NIM1K: variants seen among roughly 807,000 people sequenced by gnomAD.
NIM1K encodes the protein NIM1 serine/threonine protein kinase.
NIM1K carries 35 observed loss-of-function variants against 37.1 expected under a neutral mutation model. That is an observed-to-expected ratio of 0.94 (90% confidence interval 0.72 to 1.25). The LOEUF (loss-of-function observed/expected upper bound fraction) is 1.25, where lower values mean the gene tolerates loss of function less well. Among genes scored for constraint, NIM1K ranks in the 50% most tolerant of loss-of-function variants. The pLI is 0.00. For synonymous variants in NIM1K, 234 were observed against 206.6 expected, an observed-to-expected ratio of 1.13 and a Z score of -1.14; for missense variants, 564 against 548.0, an observed-to-expected ratio of 1.03 and a Z score of -0.29.
intron 2 of NIM1K, among the ~76,000 whole-genome samples, chr5:43,262,871 G>A (rs1250323562): frequency 6.6e-6 from 1 of 152,054 alleles, no homozygotes; most frequent in Non-Finnish European, 1.5e-5. Flanking sequence ...ATAATCATGT[G>A]GTTTTTGTCT....
chr5:43,257,227 T>C (rs1752959953), intron 2 of NIM1K, among the ~76,000 whole-genome samples: 1 of 152,030 alleles, frequency 6.6e-6, no homozygotes. Context: ...AGAGGAAGAT[T>C]GAAGCCTGAG....
chr5:43,226,516 T>A (rs1486305907), intron 1 of NIM1K, among the ~76,000 whole-genome samples: 1 of 152,210 alleles, frequency 6.6e-6, no homozygotes, highest in African/African-American at 2.4e-5. Context: ...TTTACCAATA[T>A]GGGGAAAACC....
chr5:43,209,781 A>G (rs1045128988), intron 1 of NIM1K, among the ~76,000 whole-genome samples: 1 of 151,822 alleles, frequency 6.6e-6, no homozygotes, highest in Non-Finnish European at 1.5e-5. Context: ...CGCCCAGCTA[A>G]TTTTTGTATT....
At chr5:43,197,621 C>A (rs1751938047) in intron 1 of NIM1K, among the ~76,000 whole-genome samples, 1 of 152,182 alleles carries the variant, frequency 6.6e-6, no homozygotes, top group Non-Finnish European at 1.5e-5. Flanking sequence ...GATTTTTCCA[C>A]CCTTTATACT....
intron 1 of NIM1K, among the ~76,000 whole-genome samples, chr5:43,229,281 A>G (rs1752503338): frequency 6.8e-6 from 1 of 146,764 alleles, no homozygotes; most frequent in Admixed American, 7.0e-5. Flanking sequence ...GGTACGCAGG[A>G]GGCTGAGGCA....
intron 3 of NIM1K, 122 bp downstream of exon 3, chr5:43,277,447 C>G: frequency 9.7e-7 from 1 of 1,032,452 alleles, no homozygotes; most frequent in African/African-American, 1.6e-5. Context: ...AGACAGTAGT[C>G]CCTTCTGAGA....
At chr5:43,267,271 T>A (rs755460804) in intron 2 of NIM1K, among the ~76,000 whole-genome samples, 2 of 152,238 alleles carry the variant, frequency 1.3e-5, no homozygotes, top group African/African-American at 2.4e-5. Context: ...TAATCTCAAC[T>A]GATCTTTTGT....
rs1752581476 is a variant in NIM1K at position 43,234,063 on chromosome 5, G to GT, written c.-694-11016dup. Among the ~76,000 whole-genome samples the GT allele has an allele frequency of 2.6e-5, 4 of 152,156 alleles. No homozygotes were observed. The South Asian group carries it at 8.3e-4, about 32-fold the overall frequency. On this transcript the variant is annotated intron_variant, in intron 1 of 3. Transcript: ENST00000326035. ...CTACCTCAGATCTTTGAAATTCATG[G>GT]TTTCACATGTTGTAATGTTTACTTA...
At chr5:43,207,672 A>C in intron 1 of NIM1K, 1 of 560,514 alleles carries the variant, frequency 1.8e-6, no homozygotes, top group Middle Eastern at 5.9e-4. Context: ...TTGCTCTATG[A>C]AGAACAGCTG....
intron 2 of NIM1K, among the ~76,000 whole-genome samples, chr5:43,268,155 G>T (rs1319903714): frequency 6.6e-6 from 1 of 152,034 alleles, no homozygotes; most frequent in Non-Finnish European, 1.5e-5. Context: ...ATATATTTTG[G>T]ATTATAATAT....
chr5:43,233,678 A>G (rs1382852603), intron 1 of NIM1K, among the ~76,000 whole-genome samples: 1 of 152,228 alleles, frequency 6.6e-6, no homozygotes, highest in East Asian at 1.9e-4. Context: ...AGCACGCTAC[A>G]TTAGAGCTGG....
In NIM1K at chr5:43,198,205, TTCTCTTTCTTTCTTTCTTTC is replaced by T. The variant is rs201087583; in HGVS notation, c.-695+5796_-695+5815del. 4.4e-4 allele frequency among the ~76,000 whole-genome samples: 18 copies of T among 40,916 alleles called. No homozygotes were observed. The South Asian group carries it at 0.016, about 37-fold the overall frequency. 26.8% of individuals were successfully genotyped at this position (40,916 alleles called of 152,430 possible). A position where few individuals can be genotyped will look rare whatever the true frequency, so the allele number is the denominator to read the frequency against. On this transcript the variant is annotated intron_variant, in intron 1 of 3. Transcript: ENST00000326035. ...TTTCTTTCTTTCTTTCTTTCTTTCT[TTCTCTTTCTTTCTTTCTTTC>T]TTTCTTTCTTTCTTTCTTTCTTTTC...
intron 1 of NIM1K, among the ~76,000 whole-genome samples, chr5:43,238,366 A>G (rs1384225509): frequency 6.6e-6 from 1 of 151,450 alleles, no homozygotes; most frequent in Non-Finnish European, 1.5e-5. Flanking sequence ...AATTTCCAAG[A>G]CAGCTCTTTC....
intron 3 of NIM1K, among the ~76,000 whole-genome samples, chr5:43,277,770 C>T (rs1219887408): frequency 1.3e-5 from 2 of 149,650 alleles, no homozygotes; most frequent in South Asian, 4.3e-4. Context: ...CTCCCCCACC[C>T]CCCCTCTCCG....
At chr5:43,277,464 AGTCTGGCT>A in intron 3 of NIM1K, 139 bp downstream of exon 3, 1 of 900,230 alleles carries the variant, frequency 1.1e-6, no homozygotes, top group Non-Finnish European at 1.7e-6. Context: ...GAGAGTCAGA[AGTCTGGCT>A]GGGATCATGC....
intron 1 of NIM1K, among the ~76,000 whole-genome samples, chr5:43,199,204 A>AAAAAAAAAAAAATAT (rs1200134957): frequency 6.4e-5 from 6 of 94,068 alleles, no homozygotes; most frequent in Non-Finnish European, 8.2e-5. Context: ...AAAAAAAAAA[A>AAAAAAAAAAAAATAT]ATATATATAT....
At position 43,245,983 on chromosome 5, in the gene NIM1K, C is replaced by A. The variant is rs777253367; in HGVS notation, c.208C>A (p.Arg70=). 3 of 1,613,950 alleles carry A rather than the reference C, an allele frequency of 1.9e-6. No individual in the cohort carries two copies. The highest frequency in any genetic ancestry group is 1.7e-6 in the Non-Finnish European group (2 of 1,179,978). ...KVVREITLGK[R]IGFYRIRGEI... is the part of the protein sequence containing the mutation. ...GGTGAGGGAGATCACGCTGGGGAAA[C>A]GGATAGGCTTCTACCGAATTCGAGG... The change falls in exon 2 of 4, where the codon CGG becomes AGG. Residue 70 remains arginine (R), a synonymous_variant. Coordinates refer to ENST00000326035, the MANE Select transcript of NIM1K (RefSeq NM_153361.4).
chr5:43,275,966 T>C (rs1753333563), intron 2 of NIM1K, among the ~76,000 whole-genome samples: 1 of 150,684 alleles, frequency 6.6e-6, no homozygotes, highest in South Asian at 2.1e-4. Context: ...AGTGGTGCGA[T>C]CTCGGCTCAC....
At chr5:43,220,997 G>A (rs535922903) in intron 1 of NIM1K, among the ~76,000 whole-genome samples, 4 of 152,194 alleles carry the variant, frequency 2.6e-5, no homozygotes, top group African/African-American at 9.6e-5. Flanking sequence ...AACAGTGTCT[G>A]CCACATATTG....
Sources: allele counts gnomAD v4.1 joint callset (sites outside exome capture counted in the v4.1 genomes callset), GRCh38; gene constraint gnomAD v4.1.1; transcripts MANE v1.5; gene names NCBI Gene and HGNC (gene_info 2026-07-23, HGNC 2026-07-21).